The following RBM17 variants were observed in gnomAD, a reference collection of about 807,000 sequenced individuals.
RBM17 encodes RNA binding motif protein 17, also known as splicing factor 45.
In RBM17, 7 loss-of-function variants were observed where a neutral mutation model predicts 53.2. That is an observed-to-expected ratio of 0.13 (90% CI 0.07 to 0.25). RBM17 has a LOEUF of 0.25. RBM17 is among the 10% of genes least tolerant of loss of function. The pLI is 1.00. For synonymous variants in RBM17, 167 were observed against 178.1 expected (o/e 0.94, Z 0.50); for missense variants, 257 against 496.7 (o/e 0.52, Z 4.59).
chr10:6,095,329 C>T (rs1403767088), intron 1 of RBM17, among the ~76,000 whole-genome samples: 3 of 152,130 alleles, frequency 2.0e-5, no homozygotes, highest in African/African-American at 7.2e-5. Context: ...TATCATGCCT[C>T]ACCCTCCGGA....
At chr10:6,108,891 A>G (rs1840796586) in intron 6 of RBM17, 149 bp downstream of exon 6, 1 of 239,346 alleles carries the variant, frequency 4.2e-6, no homozygotes, top group Non-Finnish European at 7.9e-6. Context: ...CCGCACCTGG[A>G]TCTCAGAATG....
rs1004419840 is a variant in RBM17, at chr10:6,098,460, T to C, written c.123+1272T>C. On this transcript the variant is annotated intron_variant, in intron 2 of 11. Coordinates refer to ENST00000379888, the MANE Select transcript of RBM17 (RefSeq NM_032905.5). ...AGGGAGGGAAGAACAGAACTACCCA[T>C]GAGTTGATAATTGTTGAAACTGGAT... 7.3e-5 allele frequency among the ~76,000 whole-genome samples: 11 copies of C among 151,652 alleles called. No homozygotes were observed. The South Asian group carries it at 2.3e-3, about 32-fold the overall frequency.
rs1443734819 is a variant in RBM17 at position 6,112,371 on chromosome 10, C to T, written c.856+10C>T. On this transcript the variant is annotated intron_variant, in intron 8 of 11. Transcript: ENST00000379888. The surrounding 1 kb of genome is among the most constrained non-coding windows in gnomAD (Gnocchi z 4.4). Reference sequence around the variant, plus strand: ...GACGCCACAGAGAAAGGTGTGTCCCCAGGGAAGCGTGTGACTAGAGGGAAA... The same window carrying T: ...GACGCCACAGAGAAAGGTGTGTCCCTAGGGAAGCGTGTGACTAGAGGGAAA... 51 of 1,613,650 alleles carry T rather than the reference C, an allele frequency of 3.2e-5. No individual in the cohort carries two copies. Among genetic ancestry groups the T allele is most frequent in the Non-Finnish European group, 4.3e-5 (51 of 1,179,878 alleles).
chr10:6,107,562 A>C (rs928297992), intron 5 of RBM17, among the ~76,000 whole-genome samples: 2 of 128,892 alleles, frequency 1.6e-5, no homozygotes, highest in African/African-American at 6.0e-5. Flanking sequence ...GCTCACTGCA[A>C]CCTCCATCTC....
At chr10:6,105,200 A>T in intron 4 of RBM17, 103 bp downstream of exon 4, 1 of 1,046,072 alleles carries the variant, frequency 9.6e-7, no homozygotes, top group Non-Finnish European at 1.4e-6. Flanking sequence ...GTTAATTGTC[A>T]TGGGTGATCT....
intron 1 of RBM17, among the ~76,000 whole-genome samples, chr10:6,094,146 G>A (rs1436485639): frequency 6.6e-6 from 1 of 151,612 alleles, no homozygotes; most frequent in Non-Finnish European, 1.5e-5. Context: ...GGCTAATTTT[G>A]TTTCTGTATT....
intron 7 of RBM17, among the ~76,000 whole-genome samples, chr10:6,111,615 T>C (rs879208066): frequency 6.6e-6 from 1 of 152,336 alleles, no homozygotes; most frequent in Admixed American, 6.5e-5. Flanking sequence ...GCTGGGATTA[T>C]AAGTGTGATC....
Position 6,104,941 on chromosome 10 carries a change from C to A in RBM17, c.251C>A (p.Pro84His), listed in dbSNP as rs775714728. The change falls in exon 4 of 12, where the codon CCC becomes CAC. Residue 84 changes from proline to histidine, a missense_variant. By Grantham distance (77) the Pro-to-His change is moderately conservative (BLOSUM62 -2). This residue lies in a region of RBM17 where 127 missense variants were observed against 217.2 expected (regional missense o/e 0.58). Transcript: ENST00000379888. ...TTTTACCTTCCTCAGGATCCTGTTCCCAGTGGGTTTTCTGCAGGGGAAGTT... is the reference window on the plus strand; with the variant it reads ...TTTTACCTTCCTCAGGATCCTGTTCACAGTGGGTTTTCTGCAGGGGAAGTT... ...HVAAGLKDPV[P>H]SGFSAGEVLI... The A allele has an allele frequency of 9.3e-6, 15 of 1,613,586 alleles. No individual in the cohort carries two copies. The South Asian group carries it at 1.6e-4, about 18-fold the overall frequency.
chr10:6,094,527 C>A (rs10905750), intron 1 of RBM17, among the ~76,000 whole-genome samples: 5,607 of 152,178 alleles, frequency 0.037, 174 homozygotes, highest in East Asian at 0.14. Flanking sequence ...ACCTGTAGTT[C>A]AGTAGGCTTT....
At chr10:6,093,966 GA>G (rs1398786611) in intron 1 of RBM17, among the ~76,000 whole-genome samples, 4 of 143,318 alleles carry the variant, frequency 2.8e-5, no homozygotes, top group African/African-American at 5.3e-5. Flanking sequence ...GTCAAGTGTG[GA>G]ATTTTTTTTT....
chr10:6,111,492 A>G (rs1478627835), intron 7 of RBM17, among the ~76,000 whole-genome samples: 1 of 152,188 alleles, frequency 6.6e-6, no homozygotes, highest in East Asian at 1.9e-4. Flanking sequence ...GGTGCACACC[A>G]TCATGCCCAG....
At position 6,115,804 on chromosome 10, in the gene RBM17, T is replaced by G. The variant is rs963774109; in HGVS notation, c.*248T>G. On this transcript the variant is annotated 3_prime_UTR_variant, in exon 12 of 12. Coordinates refer to ENST00000379888, the MANE Select transcript of RBM17 (RefSeq NM_032905.5). ...TCTCTTTTTTATTATTACTCCTGAGTTGATGACATTTTTTGTTAGATTTCA... is the reference window on the plus strand; with the variant it reads ...TCTCTTTTTTATTATTACTCCTGAGGTGATGACATTTTTTGTTAGATTTCA... 8 of 315,104 alleles carry G rather than the reference T, an allele frequency of 2.5e-5. No homozygotes were observed. The highest frequency in any genetic ancestry group is 8.5e-4 in the Middle Eastern group (1 of 1,178). The allele number at this position is 315,104 out of a possible 1,614,324, so 19.5% of individuals were successfully genotyped here. A position where few individuals can be genotyped will look rare whatever the true frequency, so the allele number is the denominator to read the frequency against.
chr10:6,094,297 T>G (rs1840537704), intron 1 of RBM17, among the ~76,000 whole-genome samples: 2 of 152,094 alleles, frequency 1.3e-5, no homozygotes, highest in Non-Finnish European at 1.5e-5. Flanking sequence ...ATGTTCTACT[T>G]TGGGGTCATG....
At chr10:6,107,489 T>C in intron 5 of RBM17, among the ~76,000 whole-genome samples, 1 of 134,258 alleles carries the variant, frequency 7.4e-6, no homozygotes, top group East Asian at 2.1e-4. Flanking sequence ...CTTTTTTTTT[T>C]TTTTTTTTTT....
Position 6,115,634 on chromosome 10 carries a change from C to T in RBM17, c.*78C>T, listed in dbSNP as rs1223094163. 3 of 894,222 alleles carry T rather than the reference C, an allele frequency of 3.4e-6. No homozygotes were observed. Among genetic ancestry groups the T allele is most frequent in the Admixed American group, 1.8e-5 (1 of 56,450 alleles). The allele number at this position is 894,222 out of a possible 1,614,324, so 55.4% of individuals were successfully genotyped here. On this transcript the variant is annotated 3_prime_UTR_variant, in exon 12 of 12. Coordinates refer to ENST00000379888, the MANE Select transcript of RBM17 (RefSeq NM_032905.5). Reference sequence around the variant, plus strand: ...GCTGAGAAAAGAAGGAAAAAGGTCACAGCCTCCATGGCTGTTGCATACCAA... The same window carrying T: ...GCTGAGAAAAGAAGGAAAAAGGTCATAGCCTCCATGGCTGTTGCATACCAA...
intron 1 of RBM17, among the ~76,000 whole-genome samples, chr10:6,090,198 A>G (rs1032031134): frequency 6.6e-6 from 1 of 152,204 alleles, no homozygotes; most frequent in Non-Finnish European, 1.5e-5. Flanking sequence ...TGCTAGAGCC[A>G]GGCATATGGA....
In RBM17 at chr10:6,112,700, A is replaced by G; in HGVS notation, c.856+339A>G. ...TGGTTATGTGTTTAGAGCATGAAGG[A>G]CAGAGCCATATAGTGTGGCAGTGAA... On this transcript the variant is annotated intron_variant, in intron 8 of 11. Coordinates refer to ENST00000379888, the MANE Select transcript of RBM17 (RefSeq NM_032905.5). The surrounding 1 kb of genome is among the most constrained non-coding windows in gnomAD (Gnocchi z 4.4). 8.1e-6 allele frequency: 3 copies of G among 370,118 alleles called. No homozygotes were observed. The highest frequency in any genetic ancestry group is 6.5e-5 in the South Asian group (3 of 45,924). 22.9% of individuals were successfully genotyped at this position (370,118 alleles called of 1,614,324 possible).
rs757924735 is a variant in RBM17 at position 6,112,421 on chromosome 10, A to G, written c.856+60A>G. The G allele has an allele frequency of 1.3e-6, 2 of 1,589,942 alleles. No homozygotes were observed. The highest frequency in any genetic ancestry group is 2.2e-5 in the South Asian group (2 of 89,268). ...AGGACTGGCCCCATCCATATCAGAC[A>G]TGGCCAGTCTTGATCCTCATGTGTC... On this transcript the variant is annotated intron_variant, in intron 8 of 11. Transcript: ENST00000379888. The surrounding 1 kb of genome is among the most constrained non-coding windows in gnomAD (Gnocchi z 4.4).
intron 6 of RBM17, 107 bp downstream of exon 6, chr10:6,108,849 C>A: frequency 1.3e-6 from 1 of 742,596 alleles, no homozygotes; most frequent in Non-Finnish European, 2.2e-6. Flanking sequence ...AGGGAAACGG[C>A]CTGCAAGCCT....
Sources: gnomAD v4.1 joint callset for allele counts (sites outside exome capture counted in the v4.1 genomes callset) on GRCh38, gnomAD v4.1.1 for gene constraint, gnomAD v4.1.1 regional missense constraint, Gnocchi (gnomAD v3.1) non-coding constraint, MANE v1.5 for transcripts, NCBI Gene and HGNC (gene_info 2026-07-23, HGNC 2026-07-21) for gene names.